DGKG: variants seen among roughly 807,000 people sequenced by gnomAD.
DGKG encodes the protein diacylglycerol kinase gamma.
A neutral mutation model predicts 105.3 loss-of-function variants in DGKG; 78 were observed. The ratio of observed to expected loss-of-function variants is 0.74; its 90% CI spans 0.62 to 0.89. The LOEUF (loss-of-function observed/expected upper bound fraction) is 0.89, where lower values mean the gene tolerates loss of function less well. Among genes scored for constraint, DGKG ranks in the 40% least tolerant of loss-of-function variants. DGKG has a pLI of 0.00. For synonymous variants in DGKG, 346 were observed against 367.1 expected (o/e 0.94, Z 0.66); for missense variants, 958 against 1,020.1 (o/e 0.94, Z 0.83).
chr3:186,297,935 C>T (rs1302102990), intron 4 of DGKG, 129 bp downstream of exon 4: 6 of 1,065,980 alleles, frequency 5.6e-6, no homozygotes, highest in African/African-American at 3.2e-5. Context: ...CGTCCCTGTC[C>T]CTTGGTTCAT....
chr3:186,342,073 G>C (rs983234060), intron 1 of DGKG, among the ~76,000 whole-genome samples: 4 of 152,158 alleles, frequency 2.6e-5, no homozygotes. Flanking sequence ...GCTAGATGAC[G>C]AGTTAGTGGG....
chr3:186,267,853 G>A (rs1008727036), intron 12 of DGKG, 76 bp from the exon 13 acceptor site: 1 of 1,407,738 alleles, frequency 7.1e-7, no homozygotes, highest in African/African-American at 1.4e-5. Flanking sequence ...AGAGGTTTGG[G>A]GGAGAGGTGA....
rs183332679 is a variant in DGKG at position 186,358,696 on chromosome 3, A to G, written c.-249+3250T>C. Among the ~76,000 whole-genome samples, 4 of 152,022 alleles carry G rather than the reference A, an allele frequency of 2.6e-5. No individual in the cohort carries two copies. In the East Asian group the frequency reaches 7.7e-4, roughly 29 times the overall value. ...TAGTCAGACAAACTCTGTTACTTAT[A>G]AAGTGACATCAGCTCTCACTATGGT... On this transcript the variant is annotated intron_variant, in intron 1 of 24. Transcript: ENST00000265022.
chr3:186,226,616 C>T lies in DGKG; in HGVS notation c.1827-14731G>A, dbSNP rs1025273472. 3.3e-5 allele frequency among the ~76,000 whole-genome samples: 5 copies of T among 152,248 alleles called. No homozygotes were observed. In the South Asian group the frequency reaches 8.3e-4, roughly 25 times the overall value. ...TCATTTACCCAGGACTTTCTCACTC[C>T]CTCTTACTCTGTGGTAACCCAAAAC... On this transcript the variant is annotated intron_variant, in intron 20 of 24. Transcript: ENST00000265022. This position sits in a 1 kb window ranked among gnomAD's most constrained non-coding sequence, Gnocchi z 4.2.
At chr3:186,205,725 A>T (rs181418251) in intron 21 of DGKG, among the ~76,000 whole-genome samples, 365 of 152,214 alleles carry the variant, frequency 2.4e-3, no homozygotes, top group Non-Finnish European at 3.4e-3. Flanking sequence ...AAACCAAAAC[A>T]ACAACCACAA....
In DGKG at chr3:186,257,849, C is replaced by T; in HGVS notation, c.1510+5G>A. 6.2e-7 allele frequency: 1 copy of T among 1,611,986 alleles called. No individual in the cohort carries two copies. The highest frequency in any genetic ancestry group is 8.5e-7 in the Non-Finnish European group (1 of 1,178,064). The stretch of plus-strand genomic sequence containing the variant: ...GCAGCAAACGCCCTCTCAGCCCATG[C>T]TTACCAATGCAATCCAAAATCCAGC... On this transcript the variant is annotated splice_donor_5th_base_variant and intron_variant, in intron 17 of 24. Coordinates refer to ENST00000265022, the MANE Select transcript of DGKG (RefSeq NM_001346.3).
At chr3:186,196,855 G>T (rs1444952305) in intron 21 of DGKG, among the ~76,000 whole-genome samples, 2 of 152,208 alleles carry the variant, frequency 1.3e-5, no homozygotes, top group Non-Finnish European at 2.9e-5. Flanking sequence ...GAGTCGGGTG[G>T]TGGTAGTGAG....
At chr3:186,202,112 T>C (rs1718496835) in intron 21 of DGKG, among the ~76,000 whole-genome samples, 1 of 152,192 alleles carries the variant, frequency 6.6e-6, no homozygotes, top group Non-Finnish European at 1.5e-5. Flanking sequence ...ATGGGAATAA[T>C]ACACAACCAT....
At chr3:186,272,399 C>G (rs1319231696) in intron 10 of DGKG, 56 bp from the exon 11 acceptor site, 3 of 1,296,856 alleles carry the variant, frequency 2.3e-6, no homozygotes, top group Non-Finnish European at 3.4e-6. Flanking sequence ...AGGAAAGGCC[C>G]AGCTGCCCTC....
At chr3:186,339,269 A>C (rs1357669189) in intron 1 of DGKG, among the ~76,000 whole-genome samples, 1 of 152,202 alleles carries the variant, frequency 6.6e-6, no homozygotes, top group African/African-American at 2.4e-5. Context: ...CTTAAAGCCC[A>C]TTGGGGATAT....
At chr3:186,240,168 A>G (rs573325502) in intron 20 of DGKG, among the ~76,000 whole-genome samples, 1 of 151,966 alleles carries the variant, frequency 6.6e-6, no homozygotes, top group African/African-American at 2.4e-5. Context: ...ATCTTTTCGT[A>G]CATTTGCTTC....
intron 7 of DGKG, chr3:186,281,315 C>G (rs1247111148): frequency 6.6e-6 from 1 of 152,620 alleles, no homozygotes; most frequent in Non-Finnish European, 1.5e-5. Flanking sequence ...GAACAGGAAA[C>G]TCATGAGGAA....
chr3:186,155,999 T>A (rs993016987), intron 24 of DGKG, among the ~76,000 whole-genome samples: 1 of 151,764 alleles, frequency 6.6e-6, no homozygotes, highest in Non-Finnish European at 1.5e-5. Flanking sequence ...TTGTTAGTAT[T>A]TTTTTTTTCC....
rs1234117151 is a variant in DGKG, at chr3:186,149,432, T to C, written c.*658A>G. On this transcript the variant is annotated 3_prime_UTR_variant, in exon 25 of 25. Coordinates refer to ENST00000265022, the MANE Select transcript of DGKG (RefSeq NM_001346.3). ...CATGTAGACACCAGGAGAAGGTTCC[T>C]GGAAAATAACAAGTGCCCACCGACG... 3.0e-6 allele frequency: 3 copies of C among 985,466 alleles called. No individual in the cohort carries two copies. The highest frequency in any genetic ancestry group is 3.5e-5 in the African/African-American group (2 of 57,356). The allele number at this position is 985,466 out of a possible 1,614,324, so 61.0% of individuals were successfully genotyped here.
intron 20 of DGKG, among the ~76,000 whole-genome samples, chr3:186,223,076 A>C (rs1234722027): frequency 2.2e-5 from 3 of 134,270 alleles, no homozygotes; most frequent in African/African-American, 7.7e-5. Flanking sequence ...GTAGAACTCC[A>C]TTGTTGTATA....
chr3:186,161,215 A>C, intron 24 of DGKG: 1 of 994,806 alleles, frequency 1.0e-6, no homozygotes, highest in Non-Finnish European at 1.2e-6. Context: ...CCACGTAAGG[A>C]AGCAATTTGA....
intron 1 of DGKG, among the ~76,000 whole-genome samples, chr3:186,340,742 C>T (rs927310810): frequency 6.6e-6 from 1 of 152,202 alleles, no homozygotes; most frequent in Non-Finnish European, 1.5e-5. Context: ...AGTCATTCTC[C>T]ACATTTCCTG....
At chr3:186,331,961 A>G (rs1725624819) in intron 1 of DGKG, among the ~76,000 whole-genome samples, 1 of 152,210 alleles carries the variant, frequency 6.6e-6, no homozygotes, top group East Asian at 1.9e-4. Context: ...TAATTCTCCC[A>G]AGTTATCCTA....
chr3:186,289,731 CA>C lies in DGKG; in HGVS notation c.374-852del, dbSNP rs561006394. ...AGCCAGGGAACAAAGGGAAGATGGA[CA>C]GTGGAAAATCCAATGTTTTAGGTGT... On this transcript the variant is annotated intron_variant, in intron 5 of 24. Coordinates refer to ENST00000265022, the MANE Select transcript of DGKG (RefSeq NM_001346.3). Among the ~76,000 whole-genome samples, 380 of 152,246 alleles carry C rather than the reference CA, an allele frequency of 2.5e-3. 1 individual carries two copies. The highest frequency in any genetic ancestry group is 4.5e-3 in the Non-Finnish European group (305 of 68,020).
Sources: allele counts gnomAD v4.1 joint callset (sites outside exome capture counted in the v4.1 genomes callset), GRCh38; gene constraint gnomAD v4.1.1; non-coding constraint Gnocchi (gnomAD v3.1); transcripts MANE v1.5; gene names NCBI Gene and HGNC (gene_info 2026-07-23, HGNC 2026-07-21).